Variants in CTNNA3 observed in about 807,000 individuals in gnomAD.
CTNNA3 encodes catenin alpha 3, also known as catenin alpha-3.
CTNNA3 carries 76 observed loss-of-function variants against 95.7 expected under a neutral mutation model. The ratio of observed to expected loss-of-function variants is 0.79; its 90% CI spans 0.66 to 0.96. The LOEUF (loss-of-function observed/expected upper bound fraction) is 0.96. Ranked by LOEUF, CTNNA3 falls within the 40% of genes least tolerant of loss-of-function variation. The pLI, the probability that CTNNA3 is intolerant of heterozygous loss-of-function variation, is 0.00. For missense variants in CTNNA3, 1,191 were observed against 1,089.8 expected (o/e 1.09, Z -1.31); for synonymous variants, 431 against 374.4 (o/e 1.15, Z -1.74).
intron 5 of CTNNA3, among the ~76,000 whole-genome samples, chr10:67,387,198 C>T (rs1374852399): frequency 1.3e-5 from 2 of 152,092 alleles, no homozygotes; most frequent in Non-Finnish European, 2.9e-5. Context: ...TCAGTGGGTG[C>T]GCGCACCGTG....
At chr10:67,128,746 G>A (rs1240031202) in intron 7 of CTNNA3, among the ~76,000 whole-genome samples, 1 of 151,952 alleles carries the variant, frequency 6.6e-6, no homozygotes, top group Non-Finnish European at 1.5e-5. Context: ...AAAATAAATA[G>A]GTGTCCTGAG....
chr10:66,583,085 G>C, intron 10 of CTNNA3, among the ~76,000 whole-genome samples: 1 of 151,402 alleles, frequency 6.6e-6, no homozygotes, highest in East Asian at 1.9e-4. Flanking sequence ...TCAGAGATTT[G>C]GTCTGTAGTT....
chr10:66,134,879 T>G (rs1036317191), intron 13 of CTNNA3, among the ~76,000 whole-genome samples: 2 of 151,990 alleles, frequency 1.3e-5, no homozygotes, highest in African/African-American at 4.8e-5. Flanking sequence ...TCAAGGAAAT[T>G]TTGATCACAG....
chr10:66,883,819 G>C (rs575299056), intron 7 of CTNNA3, among the ~76,000 whole-genome samples: 3 of 152,296 alleles, frequency 2.0e-5, no homozygotes, highest in East Asian at 1.9e-4. Context: ...AGATGTGAGA[G>C]AGATGAATTG....
chr10:66,604,043 T>C (rs906515856), intron 10 of CTNNA3, among the ~76,000 whole-genome samples: 1 of 151,920 alleles, frequency 6.6e-6, no homozygotes, highest in Non-Finnish European at 1.5e-5. Flanking sequence ...AGGTAAGACC[T>C]CAAAAGCAAA....
chr10:67,167,306 C>A (rs1276869646), intron 7 of CTNNA3, among the ~76,000 whole-genome samples: 2 of 151,976 alleles, frequency 1.3e-5, no homozygotes, highest in African/African-American at 2.4e-5. Flanking sequence ...TTAATGCGGG[C>A]TTTTGGCTAG....
At chr10:66,492,224 A>T (rs1839947973) in intron 11 of CTNNA3, among the ~76,000 whole-genome samples, 1 of 152,172 alleles carries the variant, frequency 6.6e-6, no homozygotes, top group East Asian at 1.9e-4. Context: ...AGAAACCCAG[A>T]GAAGAAAATA....
intron 5 of CTNNA3, among the ~76,000 whole-genome samples, chr10:67,369,670 GA>G (rs1843345117): frequency 6.6e-6 from 1 of 152,076 alleles, no homozygotes; most frequent in African/African-American, 2.4e-5. Context: ...TAACTCAAAA[GA>G]AAATGGGTAA....
chr10:66,149,401 C>T (rs1363167095), intron 13 of CTNNA3, among the ~76,000 whole-genome samples: 1 of 150,892 alleles, frequency 6.6e-6, no homozygotes, highest in Non-Finnish European at 1.5e-5. Context: ...TTGTAAGTAG[C>T]TGTCAGTTTT....
At chr10:66,450,176 G>A (rs897803619) in intron 11 of CTNNA3, among the ~76,000 whole-genome samples, 4 of 151,996 alleles carry the variant, frequency 2.6e-5, no homozygotes, top group Admixed American at 2.6e-4. Flanking sequence ...CCAAATATGT[G>A]AAAAGGACAA....
intron 7 of CTNNA3, among the ~76,000 whole-genome samples, chr10:66,893,733 T>C (rs1167944068): frequency 6.6e-6 from 1 of 152,150 alleles, no homozygotes; most frequent in Non-Finnish European, 1.5e-5. Context: ...GATGAATCTT[T>C]TCAGTACTGA....
rs560309587 is a variant in CTNNA3 at position 66,406,916 on chromosome 10, T to C, written c.1532-27564A>G. Among the ~76,000 whole-genome samples the C allele has an allele frequency of 1.2e-3, 179 of 152,296 alleles. 2 individuals are homozygous for C. In the South Asian group the frequency reaches 0.013, roughly 11 times the overall value. On this transcript the variant is annotated intron_variant, in intron 11 of 17. Transcript: ENST00000433211. ...TCATAGCAAAAGCAGATCATTTCGA[T>C]ATGTTTTGATTTCTTAAGTTTTAAA... is the stretch of plus-strand genomic sequence containing the variant.
chr10:67,344,441 A>C (rs938329386), intron 5 of CTNNA3, among the ~76,000 whole-genome samples: 2 of 151,914 alleles, frequency 1.3e-5, no homozygotes, highest in African/African-American at 2.4e-5. Flanking sequence ...TCTTCTTTAA[A>C]TGTTTACTAG....
intron 7 of CTNNA3, among the ~76,000 whole-genome samples, chr10:67,047,553 C>T (rs1267072328): frequency 6.6e-6 from 1 of 152,146 alleles, no homozygotes; most frequent in African/African-American, 2.4e-5. Context: ...GACCACTTAT[C>T]TACCAAATCC....
In CTNNA3 at chr10:67,566,043, G is replaced by GTATATATATATATATATATATA. The variant is rs772272609; in HGVS notation, c.293-26396_293-26375dup. 7.5e-3 allele frequency among the ~76,000 whole-genome samples: 201 copies of GTATATATATATATATATATATA among 26,892 alleles called. 13 individuals carry two copies. The highest frequency in any genetic ancestry group is 0.025 in the Middle Eastern group (1 of 40). The allele number at this position is 26,892 out of a possible 152,430, so 17.6% of individuals were successfully genotyped here. A position where few individuals can be genotyped will look rare whatever the true frequency, so the allele number is the denominator to read the frequency against. On this transcript the variant is annotated intron_variant, in intron 3 of 17. Transcript: ENST00000433211. The stretch of plus-strand genomic sequence containing the variant: ...CACACACACACACATATGTGTGTGT[G>GTATATATATATATATATATATA]TATATATATATATATATATATATAT...
At chr10:66,838,167 A>C (rs1443856793) in intron 7 of CTNNA3, among the ~76,000 whole-genome samples, 3 of 152,136 alleles carry the variant, frequency 2.0e-5, no homozygotes, top group Non-Finnish European at 2.9e-5. Context: ...ATTTAATAGA[A>C]TAGGAAGCAG....
chr10:66,594,079 C>T, intron 10 of CTNNA3, among the ~76,000 whole-genome samples: 1 of 152,092 alleles, frequency 6.6e-6, no homozygotes, highest in East Asian at 1.9e-4. Context: ...ACAATACTGA[C>T]CAAACGGAAT....
rs773845645 is a variant in CTNNA3, at chr10:67,229,092, C to CA, written c.580-9223dup. 9.2e-5 allele frequency among the ~76,000 whole-genome samples: 14 copies of CA among 152,114 alleles called. No individual in the cohort carries two copies. In the East Asian group the frequency reaches 2.7e-3, roughly 29 times the overall value. On this transcript the variant is annotated intron_variant, in intron 5 of 17. Transcript: ENST00000433211. ...TAACAAAATACTGGCTAACTGAAAC[C>CA]AAAAACATATCAAAAAGATAATCCA...
chr10:66,655,785 CATTGAAGT>C (rs796664732), intron 9 of CTNNA3, among the ~76,000 whole-genome samples: 3 of 152,064 alleles, frequency 2.0e-5, no homozygotes, highest in African/African-American at 7.2e-5. Flanking sequence ...TGCCAAAGAG[CATTGAAGT>C]CTCAAAACTC....
Sources: gnomAD v4.1 joint callset for allele counts (sites outside exome capture counted in the v4.1 genomes callset) on GRCh38, gnomAD v4.1.1 for gene constraint, MANE v1.5 for transcripts, NCBI Gene and HGNC (gene_info 2026-07-23, HGNC 2026-07-21) for gene names.